Variants in SLC4A10 observed in about 807,000 individuals in gnomAD.
The protein encoded by SLC4A10 is sodium-driven chloride bicarbonate exchanger.
SLC4A10 carries 42 observed loss-of-function variants against 137.7 expected under a neutral mutation model. The ratio of observed to expected loss-of-function variants is 0.30; its 90% confidence interval spans 0.24 to 0.39. The LOEUF is 0.39. Ranked by LOEUF, SLC4A10 falls within the 10% of genes least tolerant of loss-of-function variation. The probability of loss-of-function intolerance (pLI) is 1.00; values close to 1 mark genes in which losing one functional copy is unlikely to be tolerated. For synonymous variants in SLC4A10, 474 were observed against 464.1 expected (o/e 1.02, Z -0.27); for missense variants, 925 against 1,355.0 (o/e 0.68, Z 4.98).
At chr2:161,876,203 C>G (rs2061439658) in intron 8 of SLC4A10, among the ~76,000 whole-genome samples, 1 of 152,140 alleles carries the variant, frequency 6.6e-6, no homozygotes, top group Non-Finnish European at 1.5e-5. Flanking sequence ...CTTCAAGATC[C>G]TATTCAGAGG....
At chr2:161,838,146 C>T (rs2058934374) in intron 3 of SLC4A10, among the ~76,000 whole-genome samples, 2 of 152,202 alleles carry the variant, frequency 1.3e-5, no homozygotes, top group Non-Finnish European at 2.9e-5. Flanking sequence ...TCCAGAAAAA[C>T]AGTCCAAACA....
At chr2:161,843,299 AT>A (rs2059300662) in intron 4 of SLC4A10, among the ~76,000 whole-genome samples, 1 of 152,168 alleles carries the variant, frequency 6.6e-6, no homozygotes, top group Non-Finnish European at 1.5e-5. Flanking sequence ...GGTTTTTGTT[AT>A]GCTCTAATGG....
chr2:161,881,905 G>A (rs2061816933), intron 9 of SLC4A10, among the ~76,000 whole-genome samples: 1 of 151,866 alleles, frequency 6.6e-6, no homozygotes, highest in Non-Finnish European at 1.5e-5. Context: ...TACACCTACT[G>A]TTTTTTGACT....
At chr2:161,906,670 A>C (rs1684443440) in intron 15 of SLC4A10, among the ~76,000 whole-genome samples, 1 of 152,238 alleles carries the variant, frequency 6.6e-6, no homozygotes. Context: ...ATCAACCACC[A>C]ATCATTTCCC....
intron 1 of SLC4A10, among the ~76,000 whole-genome samples, chr2:161,692,124 A>G (rs1002069962): frequency 6.6e-6 from 1 of 152,026 alleles, no homozygotes; most frequent in Non-Finnish European, 1.5e-5. Context: ...AAAGAAAAGA[A>G]AAGAGCAGTG....
At chr2:161,761,311 CA>C (rs2050229952) in intron 1 of SLC4A10, among the ~76,000 whole-genome samples, 1 of 151,996 alleles carries the variant, frequency 6.6e-6, no homozygotes, top group Admixed American at 6.6e-5. Context: ...GAGTATGTGG[CA>C]GATGCTTAGG....
chr2:161,795,213 C>G (rs2054638250), intron 2 of SLC4A10, among the ~76,000 whole-genome samples: 1 of 152,058 alleles, frequency 6.6e-6, no homozygotes, highest in Non-Finnish European at 1.5e-5. Context: ...TTGACTATTT[C>G]AGCCTACTCC....
intron 1 of SLC4A10, among the ~76,000 whole-genome samples, chr2:161,768,949 T>C (rs987482532): frequency 2.0e-5 from 3 of 151,928 alleles, no homozygotes; most frequent in East Asian, 1.9e-4. Flanking sequence ...CAAATTCGTT[T>C]CCCATAGTCA....
intron 15 of SLC4A10, among the ~76,000 whole-genome samples, chr2:161,933,916 G>C (rs544848276): frequency 1.3e-5 from 2 of 152,036 alleles, no homozygotes; most frequent in African/African-American, 4.8e-5. Context: ...TTTCCATATG[G>C]CTGTACTAAT....
intron 1 of SLC4A10, among the ~76,000 whole-genome samples, chr2:161,752,284 T>C (rs1158604825): frequency 1.3e-5 from 2 of 151,976 alleles, no homozygotes; most frequent in Admixed American, 6.6e-5. Flanking sequence ...TTTTGCCTTA[T>C]CTAATTAATC....
At chr2:161,885,715 C>CAA (rs911965259) in intron 10 of SLC4A10, among the ~76,000 whole-genome samples, 19 of 152,248 alleles carry the variant, frequency 1.2e-4, no homozygotes, top group African/African-American at 4.6e-4. Flanking sequence ...CTAAGCACCC[C>CAA]AAAGAACTTT....
At chr2:161,628,100 C>A (rs561660626) in intron 1 of SLC4A10, among the ~76,000 whole-genome samples, 1 of 152,084 alleles carries the variant, frequency 6.6e-6, no homozygotes, top group East Asian at 1.9e-4. Flanking sequence ...AAGTATGAAG[C>A]CTGATATTTA....
chr2:161,714,169 T>C (rs188536659), intron 1 of SLC4A10, among the ~76,000 whole-genome samples: 1 of 151,966 alleles, frequency 6.6e-6, no homozygotes, highest in African/African-American at 2.4e-5. Flanking sequence ...TATTTGAAAG[T>C]CGTATTTTCT....
intron 15 of SLC4A10, among the ~76,000 whole-genome samples, chr2:161,933,129 G>GTTTTTCTTTC (rs71009346): frequency 0.99 from 144,858 of 145,820 alleles, 71,950 homozygotes; most frequent in Non-Finnish European, 1. Flanking sequence ...TTTCCTGCCT[G>GTTTTTCTTTC]TTTTTCTTTC....
intron 25 of SLC4A10, chr2:161,977,379 C>G (rs1182298092): frequency 1.5e-5 from 7 of 464,130 alleles, no homozygotes; most frequent in African/African-American, 1.0e-4. Context: ...AAAGTTCTAT[C>G]CATTCTTTCT....
intron 1 of SLC4A10, among the ~76,000 whole-genome samples, chr2:161,765,255 A>C (rs374029700): frequency 5.9e-5 from 9 of 152,128 alleles, no homozygotes; most frequent in Non-Finnish European, 7.4e-5. Flanking sequence ...GGTCATGCCC[A>C]AAAAAATTTT....
At chr2:161,863,207 A>G (rs2060533391) in intron 6 of SLC4A10, 145 bp downstream of exon 6, 2 of 697,526 alleles carry the variant, frequency 2.9e-6, no homozygotes, top group Non-Finnish European at 4.1e-6. Flanking sequence ...ATGAGTATAT[A>G]TTCTTATTAT....
At chr2:161,770,327 T>C (rs753636781) in intron 1 of SLC4A10, among the ~76,000 whole-genome samples, 1 of 151,974 alleles carries the variant, frequency 6.6e-6, no homozygotes, top group African/African-American at 2.4e-5. Context: ...TTTGAGCATG[T>C]GTTTAGTACT....
At chr2:161,686,348 TC>T (rs1443543340) in intron 1 of SLC4A10, among the ~76,000 whole-genome samples, 2 of 152,140 alleles carry the variant, frequency 1.3e-5, no homozygotes, top group African/African-American at 4.8e-5. Context: ...ATTATAAATT[TC>T]TACAAAATTA....
Sources: allele counts gnomAD v4.1 joint callset (sites outside exome capture counted in the v4.1 genomes callset), GRCh38; gene constraint gnomAD v4.1.1; transcripts MANE v1.5; gene names NCBI Gene and HGNC (gene_info 2026-07-23, HGNC 2026-07-21).